The following FRRS1L variants were observed in gnomAD, a reference collection of about 807,000 sequenced individuals.
FRRS1L encodes ferric chelate reductase 1 like.
FRRS1L carries 22 observed loss-of-function variants against 28.6 expected under a neutral mutation model. The observed-to-expected ratio is 0.77, with a 90% confidence interval of 0.55 to 1.10. FRRS1L has a LOEUF of 1.10. Ranked by LOEUF, FRRS1L falls within the 50% of genes least tolerant of loss-of-function variation. FRRS1L has a pLI of 0.00. For missense variants in FRRS1L, 380 were observed against 386.9 expected, an observed-to-expected ratio of 0.98 and a Z score of 0.15; for synonymous variants, 158 against 151.4, an observed-to-expected ratio of 1.04 and a Z score of -0.32.
At chr9:109,153,092 TC>T (rs1470573329) in intron 1 of FRRS1L, among the ~76,000 whole-genome samples, 1 of 152,180 alleles carries the variant, frequency 6.6e-6, no homozygotes, top group Non-Finnish European at 1.5e-5. Flanking sequence ...TTGGCCTTTG[TC>T]CCTGGTTTCT....
chr9:109,156,635 C>T (rs1279058036), intron 1 of FRRS1L, among the ~76,000 whole-genome samples: 3 of 151,166 alleles, frequency 2.0e-5, no homozygotes, highest in South Asian at 2.1e-4. Context: ...GTGATCCGCC[C>T]GCCTCGGCCT....
In FRRS1L at chr9:109,167,238, C is replaced by T. The variant is rs913883506; in HGVS notation, c.-100G>A. ...CTCCGCCGAGGCCACCAGCACGCGC[C>T]CGCGCAGCCGCGGAGCCTCCCGCAC... On this transcript the variant is annotated 5_prime_UTR_variant, in exon 1 of 5. Transcript: ENST00000561981. 5.0e-6 allele frequency: 7 copies of T among 1,386,522 alleles called. No individual in the cohort carries two copies. In the South Asian group the frequency reaches 7.7e-5, roughly 15 times the overall value. 85.9% of individuals were successfully genotyped at this position (1,386,522 alleles called of 1,614,324 possible). A position where few individuals can be genotyped will look rare whatever the true frequency, so the allele number is the denominator to read the frequency against.
chr9:109,154,272 A>G (rs1231170143), intron 1 of FRRS1L, among the ~76,000 whole-genome samples: 1 of 152,148 alleles, frequency 6.6e-6, no homozygotes, highest in Non-Finnish European at 1.5e-5. Context: ...ACTTTCCTGA[A>G]GTTATTTTCT....
chr9:109,149,735 T>G lies in FRRS1L; in HGVS notation c.239-15A>C, dbSNP rs1266039609. 6.4e-7 allele frequency: 1 copy of G among 1,563,476 alleles called. No homozygotes were observed. Among genetic ancestry groups the G allele is most frequent in the South Asian group, 1.1e-5 (1 of 89,156 alleles). ...GAAGGGGTAACCTGGGCAGTGAGAATAAAGAAGGGTTAGAAAATCCAGTAA... is the reference window on the plus strand; with the variant it reads ...GAAGGGGTAACCTGGGCAGTGAGAAGAAAGAAGGGTTAGAAAATCCAGTAA... On this transcript the variant is annotated splice_polypyrimidine_tract_variant and intron_variant, in intron 1 of 4. Coordinates refer to ENST00000561981, the MANE Select transcript of FRRS1L (RefSeq NM_014334.4).
intron 1 of FRRS1L, among the ~76,000 whole-genome samples, chr9:109,154,773 A>T (rs1831382357): frequency 6.6e-6 from 1 of 152,132 alleles, no homozygotes; most frequent in Non-Finnish European, 1.5e-5. Context: ...AAAAATGAAC[A>T]CTCTGACACA....
intron 3 of FRRS1L, among the ~76,000 whole-genome samples, chr9:109,144,719 C>T (rs112715461): frequency 0.095 from 14,321 of 151,084 alleles, 929 homozygotes; most frequent in Middle Eastern, 0.17. Context: ...GTTTCATTCT[C>T]GTTGCCCAGG....
At chr9:109,159,718 C>G (rs979542195) in intron 1 of FRRS1L, among the ~76,000 whole-genome samples, 1 of 152,116 alleles carries the variant, frequency 6.6e-6, no homozygotes, top group Non-Finnish European at 1.5e-5. Flanking sequence ...GTAGATTGCC[C>G]TCCATAATGC....
At chr9:109,155,576 C>T (rs901322227) in intron 1 of FRRS1L, among the ~76,000 whole-genome samples, 1 of 151,836 alleles carries the variant, frequency 6.6e-6, no homozygotes, top group Non-Finnish European at 1.5e-5. Context: ...AAAAAAAGCA[C>T]ACCTGTAGTC....
Position 109,137,415 on chromosome 9 carries a change from A to T in FRRS1L, c.*40T>A, listed in dbSNP as rs766395815. ...TTTAAAAAATATATTTATACTAAAG[A>T]CTTCCCAATCCATGTAATCTGTTGG... is the stretch of plus-strand genomic sequence containing the variant. On this transcript the variant is annotated 3_prime_UTR_variant, in exon 5 of 5. Transcript: ENST00000561981. The T allele has an allele frequency of 7.9e-7, 1 of 1,258,194 alleles. No homozygotes were observed. Among genetic ancestry groups the T allele is most frequent in the Non-Finnish European group, 1.1e-6 (1 of 934,686 alleles). 77.9% of individuals were successfully genotyped at this position (1,258,194 alleles called of 1,614,324 possible).
At chr9:109,150,089 A>G (rs1831313928) in intron 1 of FRRS1L, 1 of 162,346 alleles carries the variant, frequency 6.2e-6, no homozygotes, top group Admixed American at 6.3e-5. Context: ...ACAGTGATAC[A>G]TTTATATACT....
chr9:109,161,336 A>G (rs999859299), intron 1 of FRRS1L, among the ~76,000 whole-genome samples: 1 of 152,134 alleles, frequency 6.6e-6, no homozygotes, highest in Non-Finnish European at 1.5e-5. Flanking sequence ...AAGAACCTGA[A>G]TGAGACTACA....
chr9:109,141,699 A>T, intron 3 of FRRS1L, 110 bp from the exon 4 acceptor site: 2 of 1,256,966 alleles, frequency 1.6e-6, no homozygotes, highest in South Asian at 3.0e-5. Context: ...CCCACCAAAA[A>T]AATTCTTTTA....
At chr9:109,143,741 C>T (rs1831219284) in intron 3 of FRRS1L, among the ~76,000 whole-genome samples, 1 of 152,056 alleles carries the variant, frequency 6.6e-6, no homozygotes, top group African/African-American at 2.4e-5. Context: ...TCTCAAACTC[C>T]TGACCTCAGG....
intron 3 of FRRS1L, among the ~76,000 whole-genome samples, chr9:109,146,168 G>C (rs1305755825): frequency 6.6e-6 from 1 of 152,174 alleles, no homozygotes; most frequent in Non-Finnish European, 1.5e-5. Context: ...TTGCACTCCA[G>C]CCTGGGCAAC....
chr9:109,138,993 G>C (rs1588096198), intron 4 of FRRS1L: 1 of 152,220 alleles, frequency 6.6e-6, no homozygotes, highest in East Asian at 1.9e-4. Flanking sequence ...AAGATCAGGA[G>C]TTTGAGACCA....
intron 1 of FRRS1L, among the ~76,000 whole-genome samples, chr9:109,166,115 T>C (rs1173538682): frequency 1.3e-5 from 2 of 152,190 alleles, no homozygotes; most frequent in Admixed American, 6.5e-5. Context: ...AGCTTGATGG[T>C]TGGATATCCC....
chr9:109,158,064 T>A (rs1485020625), intron 1 of FRRS1L, among the ~76,000 whole-genome samples: 3 of 152,372 alleles, frequency 2.0e-5, no homozygotes, highest in Non-Finnish European at 2.9e-5. Flanking sequence ...TCTTTGAGGG[T>A]CCTTTGAAAT....
rs1831090189 is a variant in FRRS1L at position 109,134,402 on chromosome 9, T to A, written c.*3053A>T. 1 of 152,064 alleles carries A rather than the reference T, an allele frequency of 6.6e-6. No homozygotes were observed. Among genetic ancestry groups the A allele is most frequent in the Non-Finnish European group, 1.5e-5 (1 of 68,022 alleles). The allele number at this position is 152,064 out of a possible 1,614,324, so 9.4% of individuals were successfully genotyped here. ...GCCTGGACCTATGTAGTCCAGAGAT[T>A]TGGAGGAAAAAATATTTAAGTTGTG... On this transcript the variant is annotated 3_prime_UTR_variant, in exon 5 of 5. Coordinates refer to ENST00000561981, the MANE Select transcript of FRRS1L (RefSeq NM_014334.4).
In FRRS1L at chr9:109,141,435, A is replaced by G; in HGVS notation, c.617T>C (p.Phe206Ser). ...TCTGGGAACATTCACAGGGCGTTTA[A>G]ATCTGCAGGTGACGCGATTGTTCTC... ...VFENNRVTCR[F>S]KRPVNVPRDE... is the part of the protein sequence containing the mutation. Residue 206 changes from phenylalanine (F) to serine (S), a missense_variant, in exon 4 of 5, where the codon TTT becomes TCT. By Grantham distance (155) the Phe-to-Ser change is radical. Coordinates refer to ENST00000561981, the MANE Select transcript of FRRS1L (RefSeq NM_014334.4). 6.2e-7 allele frequency: 1 copy of G among 1,614,148 alleles called. No homozygotes were observed.
Sources: allele counts gnomAD v4.1 joint callset (sites outside exome capture counted in the v4.1 genomes callset), GRCh38; gene constraint gnomAD v4.1.1; transcripts MANE v1.5; gene names NCBI Gene and HGNC (gene_info 2026-07-23, HGNC 2026-07-21).